Variants in MGAM2 observed in about 807,000 individuals in gnomAD.
MGAM2 encodes probable maltase-glucoamylase 2.
Under a neutral mutation model 96.1 loss-of-function variants are expected in MGAM2, and 98 were observed. That is an observed-to-expected ratio of 1.02 (90% CI 0.87 to 1.21). The LOEUF (loss-of-function observed/expected upper bound fraction) is 1.21. MGAM2 is among the 50% of genes most tolerant of loss of function. The pLI, the probability that MGAM2 is intolerant of heterozygous loss-of-function variation, is 0.00. For synonymous variants in MGAM2, 749 were observed against 414.8 expected (o/e 1.81, Z -9.79); for missense variants, 2,055 against 1,182.4 (o/e 1.74, Z -10.82).
At position 142,154,672 on chromosome 7, in the gene MGAM2, A is replaced by C. The variant is rs748353589; in HGVS notation, c.1807-57A>C. The C allele has an allele frequency of 3.3e-5, 23 of 694,462 alleles. No homozygotes were observed. The African/African-American group carries it at 3.9e-4, about 12-fold the overall frequency. The allele number at this position is 694,462 out of a possible 1,614,324, so 43.0% of individuals were successfully genotyped here. A position where few individuals can be genotyped will look rare whatever the true frequency, so the allele number is the denominator to read the frequency against. The stretch of plus-strand genomic sequence containing the variant: ...CTTTTCCCTTATCATATAAATCTTC[A>C]CTACATGCTTTCGCCTCTCATTGAC... On this transcript the variant is annotated intron_variant, in intron 16 of 47. Coordinates refer to ENST00000477922, the MANE Select transcript of MGAM2 (RefSeq NM_001293626.2).
chr7:142,194,768 T>C (rs1213726962), intron 37 of MGAM2, among the ~76,000 whole-genome samples: 1 of 151,006 alleles, frequency 6.6e-6, no homozygotes, highest in Non-Finnish European at 1.5e-5. Context: ...GTGTGAAAAA[T>C]TGGAAATAAC....
At chr7:142,156,226 C>CTA (rs1460824020) in intron 17 of MGAM2, among the ~76,000 whole-genome samples, 2 of 151,726 alleles carry the variant, frequency 1.3e-5, no homozygotes, top group South Asian at 4.2e-4. Flanking sequence ...CAATGTGTAT[C>CTA]TATATGTGTG....
intron 9 of MGAM2, 58 bp downstream of exon 9, chr7:142,137,603 T>C: frequency 1.7e-6 from 1 of 574,558 alleles, no homozygotes. Flanking sequence ...ATACTCATTA[T>C]AAATTAATAA....
At chr7:142,197,616 G>A (rs1280138946) in intron 41 of MGAM2, 28 bp from the exon 42 acceptor site, 2 of 702,992 alleles carry the variant, frequency 2.8e-6, no homozygotes, top group South Asian at 1.5e-5. Flanking sequence ...AAGAGGATAG[G>A]TGAATTTTTC....
Position 142,219,898 on chromosome 7 carries a change from C to T in MGAM2, c.5387C>T (p.Thr1796Ile), listed in dbSNP as rs1247759560. Residue 1796 changes from threonine (T) to isoleucine (I), a missense_variant, in exon 48 of 48, where the codon ACT becomes ATT. By Grantham distance (89) the Thr-to-Ile change is moderately conservative. Coordinates refer to ENST00000477922, the MANE Select transcript of MGAM2 (RefSeq NM_001293626.2). ...QILTIQLTDK[T>I]INLEKLTEVT... ...CTAACTATTCAATTGACTGACAAGA[C>T]TATCAACCTGGAAAAGTTAACTGAG... is the stretch of plus-strand genomic sequence containing the variant. 10 of 701,878 alleles carry T rather than the reference C, an allele frequency of 1.4e-5. No individual in the cohort carries two copies. Among genetic ancestry groups the T allele is most frequent in the Non-Finnish European group, 2.3e-5 (9 of 384,472 alleles). 43.5% of individuals were successfully genotyped at this position (701,878 alleles called of 1,614,324 possible).
intron 3 of MGAM2, among the ~76,000 whole-genome samples, chr7:142,130,029 C>T (rs1201640473): frequency 1.3e-5 from 2 of 151,878 alleles, no homozygotes; most frequent in Non-Finnish European, 2.9e-5. Flanking sequence ...ACAGTGGTCT[C>T]AGTTGCCATT....
chr7:142,186,548 G>A (rs1415630822), intron 35 of MGAM2, among the ~76,000 whole-genome samples: 2 of 152,230 alleles, frequency 1.3e-5, no homozygotes, highest in Non-Finnish European at 2.9e-5. Context: ...ACAACTCTGA[G>A]GGAATGGCTT....
At chr7:142,144,378 G>T (rs568700770) in intron 13 of MGAM2, among the ~76,000 whole-genome samples, 1 of 152,256 alleles carries the variant, frequency 6.6e-6, no homozygotes, top group East Asian at 1.9e-4. Context: ...AAGAATATTT[G>T]TTTGTTGCCA....
chr7:142,216,676 C>T (rs1797770935), intron 46 of MGAM2, among the ~76,000 whole-genome samples: 1 of 152,158 alleles, frequency 6.6e-6, no homozygotes, highest in African/African-American at 2.4e-5. Context: ...AATCAACTCT[C>T]TCAAATCAAT....
At chr7:142,190,613 A>G (rs1454078275) in intron 37 of MGAM2, among the ~76,000 whole-genome samples, 1 of 152,120 alleles carries the variant, frequency 6.6e-6, no homozygotes, top group African/African-American at 2.4e-5. Context: ...GATAAAATGT[A>G]TAAGAGTTGC....
intron 15 of MGAM2, among the ~76,000 whole-genome samples, chr7:142,152,992 C>CT (rs10559271): frequency 0.018 from 2,111 of 117,080 alleles, 72 homozygotes; most frequent in African/African-American, 0.058. Context: ...GCTTTTATTC[C>CT]TTTTTTTTTT....
Position 142,198,637 on chromosome 7 carries a change from G to T in MGAM2, c.4946G>T (p.Gly1649Val), listed in dbSNP as rs1282288964. 1 of 703,140 alleles carries T rather than the reference G, an allele frequency of 1.4e-6. No homozygotes were observed. The highest frequency in any genetic ancestry group is 1.5e-5 in the South Asian group (1 of 67,590). 43.6% of individuals were successfully genotyped at this position (703,140 alleles called of 1,614,324 possible). Residue 1649 changes from glycine (G) to valine (V), a missense_variant, in exon 44 of 48, where the codon GGT (glycine) becomes GTT (valine). Coordinates refer to ENST00000477922, the MANE Select transcript of MGAM2 (RefSeq NM_001293626.2). Reference protein sequence around the residue: ...YSTGTSSTSTGQRKILKAPLD... With the variant: ...YSTGTSSTSTVQRKILKAPLD... ...TAGGGAACTAGCAGCACATCAACAG[G>T]TCAGAGGAAAATCCTGAAGGCTCCC...
rs10559271 is a variant in MGAM2, at chr7:142,152,992, C to CTT, written c.1635-1010_1635-1009dup. On this transcript the variant is annotated intron_variant, in intron 15 of 47. Transcript: ENST00000477922. ...GCTTTTAATTTCTTTGCTTTTATTC[C>CTT]TTTTTTTTTTTTTTTTTGTCTGAGA... Among the ~76,000 whole-genome samples the CTT allele has an allele frequency of 3.4e-3, 403 of 117,096 alleles. 5 individuals carry two copies. Among genetic ancestry groups the CTT allele is most frequent in the African/African-American group, 0.011 (377 of 33,190 alleles). 76.8% of individuals were successfully genotyped at this position (117,096 alleles called of 152,430 possible).
At chr7:142,212,026 G>T (rs1797601894) in intron 46 of MGAM2, among the ~76,000 whole-genome samples, 1 of 152,134 alleles carries the variant, frequency 6.6e-6, no homozygotes. Context: ...AAGAGAATGG[G>T]GGCCAATATT....
chr7:142,140,388 G>A (rs951566729), intron 10 of MGAM2, among the ~76,000 whole-genome samples: 2 of 152,206 alleles, frequency 1.3e-5, no homozygotes, highest in African/African-American at 4.8e-5. Context: ...TAGGGCAAAA[G>A]ATCATTTTCT....
At chr7:142,177,070 G>T (rs117295812) in intron 32 of MGAM2, among the ~76,000 whole-genome samples, 3,448 of 152,244 alleles carry the variant, frequency 0.023, 61 homozygotes, top group Middle Eastern at 0.075. Flanking sequence ...AAAGTGTATT[G>T]TGTAATGCTG....
At chr7:142,218,124 T>A (rs997828084) in intron 46 of MGAM2, among the ~76,000 whole-genome samples, 1 of 152,094 alleles carries the variant, frequency 6.6e-6, no homozygotes, top group South Asian at 2.1e-4. Flanking sequence ...CTATTTGAGG[T>A]CATGGATATC....
Position 142,221,420 on chromosome 7 carries a change from T to C in MGAM2, c.6909T>C (p.Thr2303=). Residue 2303 remains threonine, a synonymous_variant, in exon 48 of 48, where the codon ACT becomes ACC. Coordinates refer to ENST00000477922, the MANE Select transcript of MGAM2 (RefSeq NM_001293626.2). ...CTTCTCCTACCATTCCTACCCATAC[T>C]CTTACTTCTATTCCTAGCTCTATTA... The part of the protein sequence containing the change: ...YQTSPTIPTH[T]LTSIPSSITS... The C allele has an allele frequency of 1.7e-6, 1 of 596,108 alleles. No homozygotes were observed. The highest frequency in any genetic ancestry group is 3.0e-6 in the Non-Finnish European group (1 of 335,848). The allele number at this position is 596,108 out of a possible 1,614,324, so 36.9% of individuals were successfully genotyped here. A position where few individuals can be genotyped will look rare whatever the true frequency, so the allele number is the denominator to read the frequency against.
chr7:142,153,473 T>C (rs1004424552), intron 15 of MGAM2, among the ~76,000 whole-genome samples: 1 of 152,180 alleles, frequency 6.6e-6, no homozygotes, highest in East Asian at 1.9e-4. Flanking sequence ...TTTGCTAACA[T>C]TGAGAATTGC....
Sources: allele counts gnomAD v4.1 joint callset (sites outside exome capture counted in the v4.1 genomes callset), GRCh38; gene constraint gnomAD v4.1.1; transcripts MANE v1.5; gene names NCBI Gene and HGNC (gene_info 2026-07-23, HGNC 2026-07-21).